SEMA3A: variants seen among roughly 807,000 people sequenced by gnomAD.
SEMA3A encodes the protein semaphorin 3A.
SEMA3A carries 29 observed loss-of-function variants against 97.9 expected under a neutral mutation model. The ratio of observed to expected loss-of-function variants is 0.30; its 90% CI spans 0.22 to 0.40. The LOEUF (loss-of-function observed/expected upper bound fraction) is 0.40. SEMA3A is among the 10% of genes least tolerant of loss of function. The probability of loss-of-function intolerance (pLI) is 1.00; values close to 1 mark genes in which losing one functional copy is unlikely to be tolerated. For synonymous variants in SEMA3A, 321 were observed against 323.7 expected (o/e 0.99, Z 0.09); for missense variants, 763 against 951.3 (o/e 0.80, Z 2.60).
intron 1 of SEMA3A, among the ~76,000 whole-genome samples, chr7:84,136,967 AG>A (rs1452034079): frequency 1.0e-5 from 1 of 98,478 alleles, no homozygotes; most frequent in Non-Finnish European, 2.2e-5. Context: ...GGAAGAAGGA[AG>A]GAAGGAAGGA....
intron 1 of SEMA3A, among the ~76,000 whole-genome samples, chr7:84,490,031 C>T (rs922232716): frequency 4.0e-5 from 6 of 151,294 alleles, no homozygotes; most frequent in African/African-American, 1.2e-4. Context: ...TAGATAAAGC[C>T]ACAGGGACAC....
chr7:84,234,705 C>A lies in SEMA3A; in HGVS notation c.-82-40037G>T, dbSNP rs541411676. 3.9e-5 allele frequency among the ~76,000 whole-genome samples: 6 copies of A among 152,110 alleles called. No individual in the cohort carries two copies. In the South Asian group the frequency reaches 1.2e-3, roughly 32 times the overall value. On this transcript the variant is annotated intron_variant, in intron 3 of 3. Coordinates refer to the SEMA3A transcript ENST00000424555. ...TAAGTTTTATCCCCTCCATTCCAGC[C>A]CCAACACTCACTGCAGGCTTATTCC...
intron 4 of SEMA3A, among the ~76,000 whole-genome samples, chr7:84,073,716 T>C (rs17158585): frequency 0.13 from 19,180 of 152,046 alleles, 1,279 homozygotes; most frequent in South Asian, 0.15. Context: ...TTAGGTCTTT[T>C]CATGCATTAT....
intron 6 of SEMA3A, among the ~76,000 whole-genome samples, chr7:84,014,574 G>A (rs1403178477): frequency 6.6e-6 from 1 of 152,062 alleles, no homozygotes; most frequent in Admixed American, 6.6e-5. Context: ...TTGTTCTGAA[G>A]GTTAGGAGTA....
chr7:83,965,552 T>A (rs972059470), intron 15 of SEMA3A, among the ~76,000 whole-genome samples: 1 of 136,598 alleles, frequency 7.3e-6, no homozygotes, highest in African/African-American at 2.7e-5. Flanking sequence ...ATTAATTGAC[T>A]CAGATAAGAG....
chr7:84,194,680 A>G lies in SEMA3A; in HGVS notation c.-94T>C, dbSNP rs1033931700. ...AAACAATCTGGAAACTGGAGGTAACAGGTGATTTAGGTCAGTTTCATTCAT... is the reference window on the plus strand; with the variant it reads ...AAACAATCTGGAAACTGGAGGTAACGGGTGATTTAGGTCAGTTTCATTCAT... On this transcript the variant is annotated 5_prime_UTR_variant, in exon 1 of 17. Coordinates refer to ENST00000265362, the MANE Select transcript of SEMA3A (RefSeq NM_006080.3). 4 of 748,282 alleles carry G rather than the reference A, an allele frequency of 5.3e-6. No homozygotes were observed. In the African/African-American group the frequency reaches 7.0e-5, roughly 13 times the overall value. 46.4% of individuals were successfully genotyped at this position (748,282 alleles called of 1,614,324 possible). A position where few individuals can be genotyped will look rare whatever the true frequency, so the allele number is the denominator to read the frequency against.
intron 14 of SEMA3A, among the ~76,000 whole-genome samples, chr7:83,978,473 G>A (rs1030437697): frequency 6.6e-6 from 1 of 152,164 alleles, no homozygotes; most frequent in Non-Finnish European, 1.5e-5. Flanking sequence ...GACTGGCTAT[G>A]TGTAACAGAC....
intron 2 of SEMA3A, among the ~76,000 whole-genome samples, chr7:84,370,440 T>A (rs764924563): frequency 6.6e-6 from 1 of 151,678 alleles, no homozygotes; most frequent in Non-Finnish European, 1.5e-5. Flanking sequence ...CCTCTTAAGA[T>A]AAAATATAAA....
intron 3 of SEMA3A, among the ~76,000 whole-genome samples, chr7:84,117,801 G>A (rs1795479513): frequency 6.6e-6 from 1 of 152,092 alleles, no homozygotes; most frequent in Non-Finnish European, 1.5e-5. Context: ...AAATTATTCA[G>A]GCATTTTCCA....
intron 1 of SEMA3A, among the ~76,000 whole-genome samples, chr7:84,475,083 A>C (rs1238733): frequency 0.44 from 67,159 of 151,318 alleles, 16,564 homozygotes; most frequent in East Asian, 0.78. Flanking sequence ...CTTCTCCCCC[A>C]ACCCCCAAGA....
intron 1 of SEMA3A, among the ~76,000 whole-genome samples, chr7:84,136,122 T>C (rs1406517846): frequency 6.6e-6 from 1 of 152,136 alleles, no homozygotes; most frequent in Non-Finnish European, 1.5e-5. Flanking sequence ...CAAAACTGTA[T>C]GTCCTGAATC....
At chr7:84,488,315 T>TACACACACACACACACACAC (rs1408597815) in intron 1 of SEMA3A, among the ~76,000 whole-genome samples, 1 of 94,210 alleles carries the variant, frequency 1.1e-5, no homozygotes, top group African/African-American at 4.5e-5. Flanking sequence ...TTTCTTCGTA[T>TACACACACACACACACACAC]ATACACACAC....
chr7:83,972,694 G>A (rs1788966342), intron 15 of SEMA3A, among the ~76,000 whole-genome samples: 1 of 152,010 alleles, frequency 6.6e-6, no homozygotes, highest in Non-Finnish European at 1.5e-5. Flanking sequence ...AATGCAGCAA[G>A]CTTTTAAAAA....
chr7:84,474,612 C>T lies in SEMA3A; in HGVS notation c.-246+17848G>A, dbSNP rs373750968. 2.2e-4 allele frequency among the ~76,000 whole-genome samples: 33 copies of T among 152,170 alleles called. 1 individual carries two copies. The highest frequency in any genetic ancestry group is 7.9e-4 in the African/African-American group (33 of 41,514). On this transcript the variant is annotated intron_variant, in intron 1 of 3. Coordinates refer to the SEMA3A transcript ENST00000424555. ...TGTAAGAGCTGATGGGTCCAGAGCC[C>T]AAAGAAGGGAGCTGAGTTATTACTA...
chr7:84,461,989 T>C (rs1805857411), intron 1 of SEMA3A, among the ~76,000 whole-genome samples: 1 of 152,130 alleles, frequency 6.6e-6, no homozygotes, highest in Non-Finnish European at 1.5e-5. Flanking sequence ...TGATATTCAG[T>C]CTTTTGAACA....
intron 2 of SEMA3A, among the ~76,000 whole-genome samples, chr7:84,360,107 T>G (rs1205090471): frequency 6.6e-6 from 1 of 151,980 alleles, no homozygotes; most frequent in Non-Finnish European, 1.5e-5. Context: ...TTTCATTGAT[T>G]TTTTGAAGGG....
At chr7:84,259,819 AAAAAAAAAGAAAAGAAAGG>A (rs1799805526) in intron 3 of SEMA3A, among the ~76,000 whole-genome samples, 1 of 151,722 alleles carries the variant, frequency 6.6e-6, no homozygotes, top group Non-Finnish European at 1.5e-5. Context: ...ACGCACAAAA[AAAAAAAAAGAAAAGAAAGG>A]AAAAAAAAGA....
intron 1 of SEMA3A, among the ~76,000 whole-genome samples, chr7:84,167,115 A>T (rs1167157997): frequency 5.9e-5 from 9 of 152,202 alleles, no homozygotes; most frequent in Non-Finnish European, 1.2e-4. Context: ...TATCCAGAAG[A>T]TGAAGAGGAA....
rs2116245406 is a variant in SEMA3A, at chr7:83,961,425, C to A, written c.2262G>T (p.Lys754Asn). ...SNKWKHLQEN[K>N]KGRNRRTHEF... ...CGTGGGTCCTCCTGTTTCTACCTTT[C>A]TTATTTTCTTGTAAGTGCTTCCATT... The change falls in exon 17 of 17, where the codon AAG becomes AAT. Residue 754 changes from lysine to asparagine, a missense_variant. Lys to Asn is a moderately conservative substitution (Grantham distance 94). Around this residue, in one of 2 missense-constraint regions of SEMA3A, gnomAD observed 678 missense variants for 881.3 expected, o/e 0.77. Coordinates refer to ENST00000265362, the MANE Select transcript of SEMA3A (RefSeq NM_006080.3). 6.2e-7 allele frequency: 1 copy of A among 1,614,116 alleles called. No individual in the cohort carries two copies. The highest frequency in any genetic ancestry group is 1.3e-5 in the African/African-American group (1 of 75,056).
Sources: gnomAD v4.1 joint callset for allele counts (sites outside exome capture counted in the v4.1 genomes callset) on GRCh38, gnomAD v4.1.1 for gene constraint, gnomAD v4.1.1 regional missense constraint, MANE v1.5 for transcripts, NCBI Gene and HGNC (gene_info 2026-07-23, HGNC 2026-07-21) for gene names.